Variants in EXOC4 observed in about 807,000 individuals in gnomAD.
The protein encoded by EXOC4 is exocyst complex component 4.
Under a neutral mutation model 107.2 loss-of-function variants are expected in EXOC4, and 71 were observed. The ratio of observed to expected loss-of-function variants is 0.66; its 90% CI spans 0.55 to 0.81. EXOC4 has a LOEUF of 0.81. Among genes scored for constraint, EXOC4 ranks in the 30% least tolerant of loss-of-function variants. The pLI, the probability that EXOC4 is intolerant of heterozygous loss-of-function variation, is 0.00. For missense variants in EXOC4, 1,108 were observed against 1,189.6 expected (o/e 0.93, Z 1.01); for synonymous variants, 456 against 441.2 (o/e 1.03, Z -0.42).
chr7:133,383,803 G>A (rs536748135), intron 7 of EXOC4, among the ~76,000 whole-genome samples: 8 of 152,150 alleles, frequency 5.3e-5, no homozygotes, highest in Middle Eastern at 3.4e-3. Context: ...ATAGTTTTTC[G>A]TCATTTCTCA....
At chr7:134,005,478 C>T (rs553724986) in intron 16 of EXOC4, among the ~76,000 whole-genome samples, 65 of 152,200 alleles carry the variant, frequency 4.3e-4, no homozygotes, top group Non-Finnish European at 7.2e-4. Flanking sequence ...ATCACTGGAA[C>T]GGGAAGTTTT....
intron 10 of EXOC4, among the ~76,000 whole-genome samples, chr7:133,687,079 G>A (rs1794321081): frequency 6.6e-6 from 1 of 151,194 alleles, no homozygotes; most frequent in African/African-American, 2.4e-5. Flanking sequence ...GCCATAAAAA[G>A]GAACGAATTA....
chr7:133,270,052 G>C (rs1793830858), intron 1 of EXOC4, among the ~76,000 whole-genome samples: 1 of 152,152 alleles, frequency 6.6e-6, no homozygotes, highest in African/African-American at 2.4e-5. Context: ...TGAATTATGG[G>C]GGTGGGTCTC....
chr7:133,632,503 G>C (rs1169987929), intron 10 of EXOC4, among the ~76,000 whole-genome samples: 1 of 152,150 alleles, frequency 6.6e-6, no homozygotes, highest in Non-Finnish European at 1.5e-5. Context: ...TGTGGAACTT[G>C]AAATGACTAA....
At chr7:133,866,407 G>A (rs997586305) in intron 11 of EXOC4, among the ~76,000 whole-genome samples, 1 of 152,074 alleles carries the variant, frequency 6.6e-6, no homozygotes, top group African/African-American at 2.4e-5. Context: ...TTGGGGGCAG[G>A]GAACTAAGGA....
In EXOC4 at chr7:133,629,707, A is replaced by ATTT. The variant is rs202204479; in HGVS notation, c.1418-325_1418-323dup. On this transcript the variant is annotated intron_variant, in intron 9 of 17. Transcript: ENST00000253861. ...AGGCACATGCGACCATGCCTGGCTA[A>ATTT]TTTTTTTTTTTTTTTAATAGAGATG... Among the ~76,000 whole-genome samples, 704 of 142,950 alleles carry ATTT rather than the reference A, an allele frequency of 4.9e-3. 3 individuals carry two copies. The highest frequency in any genetic ancestry group is 0.015 in the Middle Eastern group (4 of 272). 93.8% of individuals were successfully genotyped at this position (142,950 alleles called of 152,430 possible). A position where few individuals can be genotyped will look rare whatever the true frequency, so the allele number is the denominator to read the frequency against.
chr7:134,001,404 A>AG (rs759685650), intron 15 of EXOC4, among the ~76,000 whole-genome samples: 8 of 152,214 alleles, frequency 5.3e-5, no homozygotes, highest in Non-Finnish European at 8.8e-5. Context: ...CAGCAACAAC[A>AG]GGCCAGAATT....
intron 7 of EXOC4, among the ~76,000 whole-genome samples, chr7:133,435,217 C>T (rs1418437575): frequency 4.6e-5 from 7 of 152,064 alleles, no homozygotes; most frequent in African/African-American, 9.7e-5. Flanking sequence ...TATTGTGATA[C>T]GTCAGAGGTC....
intron 17 of EXOC4, among the ~76,000 whole-genome samples, chr7:134,060,509 C>T (rs1012158368): frequency 1.3e-5 from 2 of 152,184 alleles, no homozygotes; most frequent in African/African-American, 2.4e-5. Context: ...GCCCTGGAAG[C>T]CACGGCTGCT....
chr7:133,724,072 A>G (rs1315957028), intron 10 of EXOC4, among the ~76,000 whole-genome samples: 3 of 152,228 alleles, frequency 2.0e-5, no homozygotes, highest in Non-Finnish European at 2.9e-5. Flanking sequence ...GTGAGAGCCA[A>G]AAATCTTACA....
intron 7 of EXOC4, among the ~76,000 whole-genome samples, chr7:133,430,025 C>A (rs1342629087): frequency 6.6e-6 from 1 of 152,222 alleles, no homozygotes. Context: ...CTCTGGACAG[C>A]CTCTTACACC....
chr7:133,443,521 C>T (rs940036846), intron 7 of EXOC4, among the ~76,000 whole-genome samples: 21 of 152,300 alleles, frequency 1.4e-4, no homozygotes, highest in African/African-American at 4.8e-4. Context: ...ATACCAAAAA[C>T]TCCTCAGTGA....
At chr7:133,617,678 A>G (rs1486146215) in intron 9 of EXOC4, among the ~76,000 whole-genome samples, 2 of 152,116 alleles carry the variant, frequency 1.3e-5, no homozygotes, top group African/African-American at 4.8e-5. Flanking sequence ...TAAAAATATC[A>G]TCTCTTTCCC....
intron 9 of EXOC4, among the ~76,000 whole-genome samples, chr7:133,547,013 C>T (rs1468486647): frequency 6.6e-6 from 1 of 152,088 alleles, no homozygotes; most frequent in Non-Finnish European, 1.5e-5. Context: ...ACAACATTAT[C>T]GAAGGTGACA....
chr7:133,664,326 T>C (rs1001234101), intron 10 of EXOC4, among the ~76,000 whole-genome samples: 2 of 152,190 alleles, frequency 1.3e-5, no homozygotes, highest in African/African-American at 4.8e-5. Context: ...CTTAGAATGG[T>C]TCCTGACATA....
chr7:133,923,416 C>G (rs1799983313), intron 13 of EXOC4, among the ~76,000 whole-genome samples: 1 of 152,132 alleles, frequency 6.6e-6, no homozygotes, highest in South Asian at 2.1e-4. Flanking sequence ...TGCCCCATAT[C>G]TCACCAGCAC....
At chr7:134,089,668 G>A in the EXOC4 span, among the ~76,000 whole-genome samples, 104 of 152,304 alleles carry the variant, frequency 6.8e-4, no homozygotes, top group African/African-American at 2.4e-3. Context: ...TGGGAATTGC[G>A]TGACCTACAC....
intron 11 of EXOC4, among the ~76,000 whole-genome samples, chr7:133,846,356 C>G (rs1199824419): frequency 6.6e-6 from 1 of 152,130 alleles, no homozygotes; most frequent in Non-Finnish European, 1.5e-5. Flanking sequence ...GAAGTTAATC[C>G]AGTACCTTGT....
intron 17 of EXOC4, among the ~76,000 whole-genome samples, chr7:134,012,502 T>G (rs1173138386): frequency 2.6e-5 from 4 of 152,172 alleles, no homozygotes; most frequent in African/African-American, 9.7e-5. Flanking sequence ...GTAATGAAAG[T>G]GAACCAGACC....
Sources: gnomAD v4.1 joint callset for allele counts (sites outside exome capture counted in the v4.1 genomes callset) on GRCh38, gnomAD v4.1.1 for gene constraint, MANE v1.5 for transcripts, NCBI Gene and HGNC (gene_info 2026-07-23, HGNC 2026-07-21) for gene names.